The following MPPED2 variants were observed in gnomAD, a reference collection of about 807,000 sequenced individuals.
The protein encoded by MPPED2 is metallophosphoesterase domain containing 2.
MPPED2 carries 5 observed loss-of-function variants against 33.0 expected under a neutral mutation model. That is an observed-to-expected ratio of 0.15 (90% CI 0.08 to 0.32). The LOEUF (loss-of-function observed/expected upper bound fraction) is 0.32, where lower values mean the gene tolerates loss of function less well. Among genes scored for constraint, MPPED2 ranks in the 10% least tolerant of loss-of-function variants. MPPED2 has a pLI of 1.00. For missense variants in MPPED2, 275 were observed against 372.1 expected (o/e 0.74, Z 2.15); for synonymous variants, 136 against 141.9 (o/e 0.96, Z 0.29).
intron 6 of MPPED2, among the ~76,000 whole-genome samples, chr11:30,412,063 C>A (rs984945818): frequency 2.6e-5 from 4 of 151,630 alleles, no homozygotes; most frequent in Non-Finnish European, 5.9e-5. Flanking sequence ...TGTAGACACT[C>A]AATTTACTTA....
intron 4 of MPPED2, among the ~76,000 whole-genome samples, chr11:30,427,276 A>G (rs946198736): frequency 6.6e-6 from 1 of 152,192 alleles, no homozygotes; most frequent in Non-Finnish European, 1.5e-5. Flanking sequence ...TCTGCCCCCA[A>G]ATACAGGAGA....
intron 2 of MPPED2, among the ~76,000 whole-genome samples, chr11:30,548,066 C>A (rs985564877): frequency 1.3e-5 from 2 of 152,130 alleles, no homozygotes; most frequent in Admixed American, 1.3e-4. Context: ...CAAGACCTGG[C>A]TTTGGACCAT....
In MPPED2 at chr11:30,410,268, A is replaced by T. The variant is rs573175157; in HGVS notation, c.*1200T>A. On this transcript the variant is annotated 3_prime_UTR_variant, in exon 7 of 7. Coordinates refer to ENST00000358117, the MANE Select transcript of MPPED2 (RefSeq NM_001584.3). ...TATTTGCATATAAAGGCCGCTAGAT[A>T]TAGAATATCACAATAAATTTAAAGA... 57 of 985,614 alleles carry T rather than the reference A, an allele frequency of 5.8e-5. No homozygotes were observed. In the South Asian group the frequency reaches 2.5e-3, roughly 43 times the overall value. The allele number at this position is 985,614 out of a possible 1,614,324, so 61.1% of individuals were successfully genotyped here.
At chr11:30,419,417 T>C (rs1200911331) in intron 4 of MPPED2, among the ~76,000 whole-genome samples, 1 of 152,254 alleles carries the variant, frequency 6.6e-6, no homozygotes, top group African/African-American at 2.4e-5. Context: ...AGCTTGAGTA[T>C]CTTGTTGCTT....
At chr11:30,526,778 T>C (rs1482742399) in intron 3 of MPPED2, among the ~76,000 whole-genome samples, 1 of 152,114 alleles carries the variant, frequency 6.6e-6, no homozygotes, top group African/African-American at 2.4e-5. Flanking sequence ...CTTGCATGAC[T>C]ATAAACATTC....
chr11:30,449,480 C>T (rs1949956591), intron 4 of MPPED2, among the ~76,000 whole-genome samples: 1 of 150,972 alleles, frequency 6.6e-6, no homozygotes, highest in Admixed American at 6.6e-5. Context: ...ATGGCAAAAC[C>T]CTGTCTCTAC....
At chr11:30,400,429 A>G (rs1217992588) in intron 6 of MPPED2, among the ~76,000 whole-genome samples, 6 of 152,312 alleles carry the variant, frequency 3.9e-5, no homozygotes, top group African/African-American at 1.4e-4. Flanking sequence ...ATACCCTAAA[A>G]CTGTAGGAAA....
chr11:30,484,659 T>TATA (rs1951638194), intron 4 of MPPED2, among the ~76,000 whole-genome samples: 1 of 152,168 alleles, frequency 6.6e-6, no homozygotes, highest in Non-Finnish European at 1.5e-5. Context: ...TGATACTCCA[T>TATA]GTAAGTGACC....
At chr11:30,482,245 T>A (rs980193350) in intron 4 of MPPED2, among the ~76,000 whole-genome samples, 5 of 152,236 alleles carry the variant, frequency 3.3e-5, no homozygotes, top group Admixed American at 3.3e-4. Flanking sequence ...TTTCTGACTA[T>A]ATTAGTATAT....
At chr11:30,537,878 G>A (rs1476278450) in intron 2 of MPPED2, among the ~76,000 whole-genome samples, 1 of 152,080 alleles carries the variant, frequency 6.6e-6, no homozygotes, top group African/African-American at 2.4e-5. Context: ...TATAGCCGAT[G>A]TTGCTTTTTT....
chr11:30,464,439 C>T (rs1950628347), intron 4 of MPPED2, among the ~76,000 whole-genome samples: 2 of 152,196 alleles, frequency 1.3e-5, no homozygotes, highest in Admixed American at 6.5e-5. Context: ...AACCTACTTA[C>T]ACATGTCATC....
At chr11:30,530,607 G>C (rs1189021422) in intron 3 of MPPED2, among the ~76,000 whole-genome samples, 1 of 152,216 alleles carries the variant, frequency 6.6e-6, no homozygotes, top group African/African-American at 2.4e-5. Context: ...AAGGGAAAGA[G>C]GTGTGAAGGG....
intron 2 of MPPED2, among the ~76,000 whole-genome samples, chr11:30,574,902 A>G (rs1471329108): frequency 6.6e-6 from 1 of 152,208 alleles, no homozygotes; most frequent in Non-Finnish European, 1.5e-5. Flanking sequence ...TCAGTTCCAA[A>G]TGTATTCCCT....
intron 4 of MPPED2, among the ~76,000 whole-genome samples, chr11:30,425,074 A>G (rs1283075003): frequency 2.6e-5 from 4 of 152,108 alleles, no homozygotes; most frequent in Admixed American, 2.6e-4. Flanking sequence ...CTTGGGATGA[A>G]AAGAGATATT....
At chr11:30,525,186 A>G (rs1954099163) in intron 3 of MPPED2, among the ~76,000 whole-genome samples, 1 of 152,220 alleles carries the variant, frequency 6.6e-6, no homozygotes, top group Admixed American at 6.5e-5. Flanking sequence ...CTGGATGCTA[A>G]ATGCAGTGAC....
intron 4 of MPPED2, among the ~76,000 whole-genome samples, chr11:30,439,314 T>C (rs568554196): frequency 6.6e-6 from 1 of 152,318 alleles, no homozygotes; most frequent in South Asian, 2.1e-4. Flanking sequence ...AATTTCAAAC[T>C]TGACTCTAGG....
In MPPED2 at chr11:30,448,503, G is replaced by A. The variant is rs1038498818; in HGVS notation, c.537-30870C>T. Among the ~76,000 whole-genome samples the A allele has an allele frequency of 5.9e-5, 9 of 151,968 alleles. No homozygotes were observed. In the South Asian group the frequency reaches 6.2e-4, roughly 11 times the overall value. Reference sequence around the variant, plus strand: ...ATCCTGCTACACACTAAAGTGTTACGGCTTTATCACATCTATCCTTACAAC... The same window carrying A: ...ATCCTGCTACACACTAAAGTGTTACAGCTTTATCACATCTATCCTTACAAC... On this transcript the variant is annotated intron_variant, in intron 4 of 6. Coordinates refer to ENST00000358117, the MANE Select transcript of MPPED2 (RefSeq NM_001584.3).
rs560034304 is a variant in MPPED2 at position 30,505,372 on chromosome 11, C to T, written c.311-9851G>A. On this transcript the variant is annotated intron_variant, in intron 3 of 6. Transcript: ENST00000358117. ...AGGTAGTAGAAATGAATGACACTAT[C>T]CTCCTTGCTTCCCAACCGAGTATCT... 2.5e-4 allele frequency among the ~76,000 whole-genome samples: 38 copies of T among 152,260 alleles called. No homozygotes were observed. In the South Asian group the frequency reaches 7.9e-3, roughly 32 times the overall value.
At chr11:30,528,780 T>C (rs1489927435) in intron 3 of MPPED2, among the ~76,000 whole-genome samples, 3 of 152,130 alleles carry the variant, frequency 2.0e-5, no homozygotes, top group African/African-American at 7.2e-5. Context: ...TAAAACCCTT[T>C]AAAGGGTGAA....
Sources: gnomAD v4.1 joint callset for allele counts (sites outside exome capture counted in the v4.1 genomes callset) on GRCh38, gnomAD v4.1.1 for gene constraint, MANE v1.5 for transcripts, NCBI Gene and HGNC (gene_info 2026-07-23, HGNC 2026-07-21) for gene names.